The following ACAD11 variants were observed in gnomAD, a reference collection of about 807,000 sequenced individuals.
ACAD11 encodes acyl-CoA dehydrogenase family member 11.
Under a neutral mutation model 102.2 loss-of-function variants are expected in ACAD11, and 83 were observed. The ratio of observed to expected loss-of-function variants is 0.81; its 90% CI spans 0.68 to 0.97. The LOEUF (loss-of-function observed/expected upper bound fraction) is 0.97. Ranked by LOEUF, ACAD11 falls within the 50% of genes least tolerant of loss-of-function variation. ACAD11 has a pLI of 0.00. For missense variants in ACAD11, 901 were observed against 951.7 expected, an observed-to-expected ratio of 0.95 and a Z score of 0.70; for synonymous variants, 324 against 319.8, an observed-to-expected ratio of 1.01 and a Z score of -0.14.
intron 12 of ACAD11, 104 bp from the exon 13 acceptor site, chr3:132,603,431 A>G (rs1576581185): frequency 1.0e-6 from 1 of 971,932 alleles, no homozygotes; most frequent in Admixed American, 2.0e-5. Flanking sequence ...ATCTTTTTCA[A>G]TGTCCTTTCA....
At chr3:132,634,285 G>A (rs1228252734) in intron 5 of ACAD11, among the ~76,000 whole-genome samples, 1 of 152,184 alleles carries the variant, frequency 6.6e-6, no homozygotes, top group African/African-American at 2.4e-5. Context: ...CATTTATGCA[G>A]CCAAAAGACA....
intron 17 of ACAD11, among the ~76,000 whole-genome samples, chr3:132,570,648 C>A (rs547980671): frequency 6.6e-6 from 1 of 152,166 alleles, no homozygotes; most frequent in East Asian, 1.9e-4. Flanking sequence ...TTTCCCGACC[C>A]TCTCCCTCCT....
At chr3:132,607,249 G>A (rs1938885402) in intron 11 of ACAD11, among the ~76,000 whole-genome samples, 1 of 152,146 alleles carries the variant, frequency 6.6e-6, no homozygotes, top group Admixed American at 6.5e-5. Flanking sequence ...GCCAGCAAGG[G>A]AACAAAACTG....
chr3:132,579,695 T>A (rs1239016385), intron 13 of ACAD11, 137 bp from the exon 14 acceptor site: 2 of 654,594 alleles, frequency 3.1e-6, no homozygotes, highest in Non-Finnish European at 5.2e-6. Context: ...ATTAAGATAA[T>A]AATTCTTTTG....
At chr3:132,627,292 T>A (rs571615675) in intron 8 of ACAD11, among the ~76,000 whole-genome samples, 2 of 152,308 alleles carry the variant, frequency 1.3e-5, no homozygotes, top group African/African-American at 4.8e-5. Context: ...CTGAGAGCTT[T>A]CTTTTCGCTT....
At position 132,558,744 on chromosome 3, in the gene ACAD11, A is replaced by T; in HGVS notation, c.*227T>A. 1 of 462,508 alleles carries T rather than the reference A, an allele frequency of 2.2e-6. No homozygotes were observed. 28.7% of individuals were successfully genotyped at this position (462,508 alleles called of 1,614,324 possible). ...CCTGAACTCCTGGCCTCAAGGAGGC[A>T]CTAGATTGAATGACAACAGCTACAG... is the stretch of plus-strand genomic sequence containing the variant. On this transcript the variant is annotated 3_prime_UTR_variant, in exon 20 of 20. Coordinates refer to ENST00000264990, the MANE Select transcript of ACAD11 (RefSeq NM_032169.5).
chr3:132,581,494 T>C (rs1470866366), intron 13 of ACAD11, among the ~76,000 whole-genome samples: 2 of 151,704 alleles, frequency 1.3e-5, no homozygotes, highest in Non-Finnish European at 2.9e-5. Flanking sequence ...TCAGTCCAGA[T>C]TGGAAAATAA....
intron 15 of ACAD11, among the ~76,000 whole-genome samples, chr3:132,577,337 T>G (rs1268071107): frequency 6.6e-6 from 1 of 152,212 alleles, no homozygotes; most frequent in Non-Finnish European, 1.5e-5. Flanking sequence ...TATTGCTGCT[T>G]CTTTGAAATA....
intron 10 of ACAD11, chr3:132,618,995 T>C: frequency 2.5e-6 from 1 of 406,714 alleles, no homozygotes; most frequent in Non-Finnish European, 4.2e-6. Context: ...CAAGCTTCCT[T>C]GGATTTGGCT....
At chr3:132,575,585 T>A (rs1937510749) in intron 17 of ACAD11, among the ~76,000 whole-genome samples, 187 bp downstream of exon 17, 1 of 152,198 alleles carries the variant, frequency 6.6e-6, no homozygotes, top group East Asian at 1.9e-4. Flanking sequence ...TTTTAGGAAC[T>A]ATTTAATTTT....
At chr3:132,659,554 C>T in intron 1 of ACAD11, 49 bp downstream of exon 1, 1 of 1,606,122 alleles carries the variant, frequency 6.2e-7, no homozygotes, top group Non-Finnish European at 8.5e-7. Context: ...GGAAGGAAAA[C>T]TCAATGTACA....
intron 17 of ACAD11, among the ~76,000 whole-genome samples, chr3:132,571,321 A>T (rs982391579): frequency 1.4e-5 from 2 of 142,774 alleles, no homozygotes; most frequent in African/African-American, 5.1e-5. Flanking sequence ...GAGTCTGTTC[A>T]TGTCTTTGGC....
intron 5 of ACAD11, 101 bp from the exon 6 acceptor site, chr3:132,631,580 C>G (rs1022773143): frequency 4.1e-6 from 4 of 986,836 alleles, no homozygotes; most frequent in South Asian, 8.6e-5. Flanking sequence ...TGTTTTCCAT[C>G]AAAAGTCAAT....
chr3:132,589,245 T>C (rs976733579), intron 13 of ACAD11, among the ~76,000 whole-genome samples: 12 of 152,190 alleles, frequency 7.9e-5, no homozygotes, highest in African/African-American at 2.9e-4. Context: ...TGTGTAATAG[T>C]GGCCTGAATG....
intron 5 of ACAD11, 66 bp from the exon 6 acceptor site, chr3:132,631,545 A>G (rs1940042499): frequency 4.2e-6 from 5 of 1,196,302 alleles, no homozygotes; most frequent in Non-Finnish European, 1.1e-6. Context: ...AAAGAAATAA[A>G]TAACATTGAA....
At position 132,575,931 on chromosome 3, in the gene ACAD11, G is replaced by A. The variant is rs1289441349; in HGVS notation, c.1847-5C>T. The A allele has an allele frequency of 1.2e-6, 2 of 1,613,088 alleles. No homozygotes were observed. The highest frequency in any genetic ancestry group is 2.2e-5 in the South Asian group (2 of 90,996). On this transcript the variant is annotated splice_region_variant and splice_polypyrimidine_tract_variant and intron_variant, in intron 16 of 19. Coordinates refer to ENST00000264990, the MANE Select transcript of ACAD11 (RefSeq NM_032169.5). ...TTTCAAATCCCCTACCTTCACCTGG[G>A]AAGAAAGGGGAAAAAAAGGGGGAAT...
At chr3:132,643,742 G>C in intron 2 of ACAD11, among the ~76,000 whole-genome samples, 1 of 152,138 alleles carries the variant, frequency 6.6e-6, no homozygotes, top group Non-Finnish European at 1.5e-5. Context: ...GAGGGGGTAA[G>C]GGGGAGAGGG....
At chr3:132,608,929 A>G (rs1938985319) in intron 11 of ACAD11, among the ~76,000 whole-genome samples, 1 of 152,212 alleles carries the variant, frequency 6.6e-6, no homozygotes, top group Non-Finnish European at 1.5e-5. Flanking sequence ...AATTGAAATC[A>G]TAACAAAAAG....
chr3:132,645,028 T>C (rs1940666925), intron 1 of ACAD11, 132 bp from the exon 2 acceptor site: 2 of 562,232 alleles, frequency 3.6e-6, no homozygotes, highest in Non-Finnish European at 6.2e-6. Flanking sequence ...AGAGGGGTGC[T>C]ATCAGCAGCT....
Sources: gnomAD v4.1 joint callset for allele counts (sites outside exome capture counted in the v4.1 genomes callset) on GRCh38, gnomAD v4.1.1 for gene constraint, MANE v1.5 for transcripts, NCBI Gene and HGNC (gene_info 2026-07-23, HGNC 2026-07-21) for gene names.